Variants in STS observed in about 807,000 individuals in gnomAD.
STS encodes steroid sulfatase, also known as steryl-sulfatase.
A neutral mutation model predicts 26.8 loss-of-function variants in STS; 7 were observed. That is an observed-to-expected ratio of 0.26 (90% CI 0.15 to 0.49). The LOEUF (loss-of-function observed/expected upper bound fraction) is 0.49. STS is among the 20% of genes least tolerant of loss of function. STS has a pLI of 0.98. For missense variants in STS, 434 were observed against 465.6 expected (o/e 0.93, Z 0.63); for synonymous variants, 199 against 189.4 (o/e 1.05, Z -0.42).
chrX:7,225,103 A>G (rs1176929994), intron 2 of STS, among the ~76,000 whole-genome samples: 1 of 112,225 alleles, frequency 8.9e-6, no homozygotes, highest in African/African-American at 3.2e-5. Flanking sequence ...GATGACAGCA[A>G]TTGTCCCTGT....
At chrX:7,342,322 GAGA>G (rs1469927811) in intron 10 of STS, among the ~76,000 whole-genome samples, 2 of 111,800 alleles carry the variant, frequency 1.8e-5, no homozygotes, top group African/African-American at 6.5e-5. Flanking sequence ...GTGCATGGAG[GAGA>G]ACACAGCAGG....
intron 6 of STS, 22 bp from the exon 7 acceptor site, chrX:7,275,929 C>CTTT (rs748041421): frequency 5.4e-4 from 584 of 1,073,171 alleles, no homozygotes; most frequent in Admixed American, 6.6e-4. Flanking sequence ...TTTTTCCTCC[C>CTTT]TTTTTTTTTT....
intron 2 of STS, among the ~76,000 whole-genome samples, chrX:7,206,102 T>C (rs1697211009): frequency 8.9e-6 from 1 of 112,016 alleles, no homozygotes; most frequent in Middle Eastern, 4.2e-3. Flanking sequence ...TCTGGGTTTA[T>C]ATTCCTTCAT....
At chrX:7,324,657 T>C (rs1191193738) in intron 8 of STS, among the ~76,000 whole-genome samples, 2 of 111,663 alleles carry the variant, frequency 1.8e-5, no homozygotes, top group Non-Finnish European at 3.8e-5. Flanking sequence ...CAGTTGTACC[T>C]GAATTCCAAA....
intron 2 of STS, among the ~76,000 whole-genome samples, chrX:7,220,160 A>G (rs1921485468): frequency 9.0e-6 from 1 of 111,605 alleles, no homozygotes; most frequent in African/African-American, 3.3e-5. Flanking sequence ...TCCCACTTCT[A>G]TGTATCTCAG....
chrX:7,322,771 C>G (rs1927101828), intron 8 of STS, among the ~76,000 whole-genome samples: 2 of 111,867 alleles, frequency 1.8e-5, no homozygotes, highest in African/African-American at 6.5e-5. Context: ...TTTGCAGACC[C>G]TGTGAACATC....
At chrX:7,168,805 G>T (rs1193014642) in intron 1 of STS, among the ~76,000 whole-genome samples, 1 of 111,614 alleles carries the variant, frequency 9.0e-6, no homozygotes, top group Non-Finnish European at 1.9e-5. Context: ...CTGGTGCCAG[G>T]CTGGCTTGGT....
At chrX:7,293,642 A>G (rs1399963780) in intron 7 of STS, among the ~76,000 whole-genome samples, 5 of 111,480 alleles carry the variant, frequency 4.5e-5, no homozygotes, top group Admixed American at 2.9e-4. Flanking sequence ...TTACACCCAT[A>G]TGGAAAGCTC....
intron 2 of STS, among the ~76,000 whole-genome samples, chrX:7,216,329 A>G (rs1005381530): frequency 8.9e-6 from 1 of 111,806 alleles, no homozygotes; most frequent in Non-Finnish European, 1.9e-5. Context: ...TTTATTTTAT[A>G]TAAAAATCAA....
At chrX:7,164,735 G>T (rs1933314933) in intron 1 of STS, among the ~76,000 whole-genome samples, 1 of 110,247 alleles carries the variant, frequency 9.1e-6, no homozygotes, top group African/African-American at 3.3e-5. Flanking sequence ...TACAAGCATG[G>T]TGGCTCTCAC....
At chrX:7,233,121 T>C (rs1569196643) in intron 2 of STS, among the ~76,000 whole-genome samples, 2 of 88,217 alleles carry the variant, frequency 2.3e-5, no homozygotes, top group African/African-American at 8.6e-5. Flanking sequence ...TGAGATGGAG[T>C]CTCACTTCTT....
intron 7 of STS, among the ~76,000 whole-genome samples, chrX:7,276,663 T>C (rs1171464738): frequency 8.9e-6 from 1 of 111,811 alleles, no homozygotes; most frequent in Non-Finnish European, 1.9e-5. Flanking sequence ...AGCAGTTAAA[T>C]GTGTGATGGA....
intron 8 of STS, among the ~76,000 whole-genome samples, chrX:7,318,540 C>G (rs1270482562): frequency 9.0e-6 from 1 of 111,719 alleles, no homozygotes; most frequent in East Asian, 2.8e-4. Context: ...TAAAAACTCT[C>G]CCTTTATAGC....
chrX:7,254,678 G>A (rs1448419463), intron 3 of STS, among the ~76,000 whole-genome samples: 1 of 103,137 alleles, frequency 9.7e-6, no homozygotes, highest in Non-Finnish European at 2.0e-5. Flanking sequence ...CTGCCTACTA[G>A]GTTGAAGCAA....
chrX:7,274,905 A>G (rs1240975203), intron 6 of STS, among the ~76,000 whole-genome samples: 1 of 112,287 alleles, frequency 8.9e-6, no homozygotes, highest in Admixed American at 9.4e-5. Context: ...TTCAAACAGC[A>G]TTGATGAAAG....
In STS at chrX:7,334,053, C is replaced by A. The variant is rs1327678323; in HGVS notation, c.1309C>A (p.Leu437Ile). 2 of 1,211,666 alleles carry A rather than the reference C, an allele frequency of 1.7e-6. No individual in the cohort carries two copies. Among genetic ancestry groups the A allele is most frequent in the East Asian group, 3.0e-5 (1 of 33,837 alleles). ...AAGCCAACGCTCCGATCATGAGTTT[C>A]TCTTCCATTACTGCAACGCCTACTT... ...GKSQRSDHEF[L>I]FHYCNAYLNA... The change falls in exon 10 of 11, where the codon CTC becomes ATC. Residue 437 changes from leucine (L) to isoleucine (I), a missense_variant. Physicochemically the swap from Leu to Ile is conservative, Grantham distance 5. This residue lies in a region of STS where 205 missense variants were observed against 177.3 expected (regional missense o/e 1.16). Coordinates refer to ENST00000674429, the MANE Select transcript of STS (RefSeq NM_001320752.2).
chrX:7,305,807 T>TA (rs1926186726), intron 8 of STS, among the ~76,000 whole-genome samples: 1 of 111,712 alleles, frequency 9.0e-6, no homozygotes, highest in African/African-American at 3.3e-5. Flanking sequence ...GCCTCCCTCT[T>TA]ATGAGGACAC....
intron 2 of STS, among the ~76,000 whole-genome samples, chrX:7,193,456 T>C (rs1216785727): frequency 9.1e-6 from 1 of 110,068 alleles, no homozygotes; most frequent in Non-Finnish European, 1.9e-5. Flanking sequence ...AGTACCTTTT[T>C]TTTTTTTCGG....
At chrX:7,270,662 C>T (rs1924225972) in intron 6 of STS, among the ~76,000 whole-genome samples, 1 of 111,693 alleles carries the variant, frequency 9.0e-6, no homozygotes, top group African/African-American at 3.3e-5. Flanking sequence ...AATAAAAAAC[C>T]ACTGCTTTAT....
Sources: gnomAD v4.1 joint callset for allele counts (sites outside exome capture counted in the v4.1 genomes callset) on GRCh38, gnomAD v4.1.1 for gene constraint, gnomAD v4.1.1 regional missense constraint, MANE v1.5 for transcripts, NCBI Gene and HGNC (gene_info 2026-07-23, HGNC 2026-07-21) for gene names.